ATAD2B: variants seen among roughly 807,000 people sequenced by gnomAD.
ATAD2B encodes the protein ATPase family AAA domain-containing protein 2B.
Under a neutral mutation model 167.6 loss-of-function variants are expected in ATAD2B, and 40 were observed. That is an observed-to-expected ratio of 0.24 (90% CI 0.19 to 0.31). The LOEUF is 0.31. Among genes scored for constraint, ATAD2B ranks in the 10% least tolerant of loss-of-function variants. The probability of loss-of-function intolerance (pLI) is 1.00; values close to 1 mark genes in which losing one functional copy is unlikely to be tolerated. For synonymous variants in ATAD2B, 579 were observed against 596.5 expected (o/e 0.97, Z 0.43); for missense variants, 1,242 against 1,757.2 (o/e 0.71, Z 5.24).
chr2:23,703,922 G>GT, the ATAD2B span: 18 of 1,480,108 alleles, frequency 1.2e-5, no homozygotes, highest in Non-Finnish European at 1.4e-5. Context: ...GAGGAGGGGT[G>GT]TGACCACAAT....
At chr2:23,909,432 A>C (rs977623940) in intron 1 of ATAD2B, among the ~76,000 whole-genome samples, 4 of 147,918 alleles carry the variant, frequency 2.7e-5, no homozygotes, top group African/African-American at 5.0e-5. Flanking sequence ...ATATACATAC[A>C]TACATACATA....
the ATAD2B span, among the ~76,000 whole-genome samples, chr2:23,686,483 C>A: frequency 6.6e-6 from 1 of 152,068 alleles, no homozygotes; most frequent in Non-Finnish European, 1.5e-5. Context: ...AAGTGATGCC[C>A]AGGTCTCCTT....
chr2:23,875,339 A>G (rs1696665863), intron 8 of ATAD2B, among the ~76,000 whole-genome samples: 2 of 151,926 alleles, frequency 1.3e-5, no homozygotes, highest in South Asian at 4.1e-4. Flanking sequence ...ATCTCTACTA[A>G]AAATATGAAA....
intron 7 of ATAD2B, among the ~76,000 whole-genome samples, chr2:23,876,271 C>T (rs1420852900): frequency 6.6e-6 from 1 of 151,052 alleles, no homozygotes; most frequent in African/African-American, 2.4e-5. Context: ...GGATTACAGG[C>T]ATGAGCCACC....
At chr2:23,720,608 C>T in the ATAD2B span, among the ~76,000 whole-genome samples, 2 of 147,138 alleles carry the variant, frequency 1.4e-5, no homozygotes, top group South Asian at 2.2e-4. Flanking sequence ...AAGAGGGCAG[C>T]GTGGAGGCAC....
rs148324831 is a variant in ATAD2B at position 23,906,518 on chromosome 2, C to T, written c.217-10548G>A. On this transcript the variant is annotated intron_variant, in intron 1 of 27. Transcript: ENST00000238789. ...GAGTTCTGTAGATGTCTATTAGGTC[C>T]GCTTGGTGCAGAGCTGAGTTCAATT... Among the ~76,000 whole-genome samples, 750 of 152,092 alleles carry T rather than the reference C, an allele frequency of 4.9e-3. 8 individuals carry two copies. The highest frequency in any genetic ancestry group is 0.018 in the African/African-American group (728 of 41,500).
intron 4 of ATAD2B, 63 bp downstream of exon 4, chr2:23,887,769 A>T (rs1348249275): frequency 3.6e-6 from 5 of 1,399,330 alleles, no homozygotes; most frequent in Non-Finnish European, 3.8e-6. Context: ...TTATTTTTTT[A>T]AAACGTAACT....
chr2:23,892,219 A>G (rs1247506831), intron 2 of ATAD2B, among the ~76,000 whole-genome samples: 2 of 152,170 alleles, frequency 1.3e-5, no homozygotes, highest in African/African-American at 2.4e-5. Flanking sequence ...GCTGGAGTGC[A>G]GTGGCGCGAT....
At chr2:23,703,050 C>G in the ATAD2B span, 1 of 541,258 alleles carries the variant, frequency 1.8e-6, no homozygotes, top group Non-Finnish European at 3.0e-6. Context: ...CAGTGCCCCC[C>G]ACTGCTGGTG....
At chr2:23,871,688 C>T (rs948021123) in intron 8 of ATAD2B, among the ~76,000 whole-genome samples, 1 of 152,162 alleles carries the variant, frequency 6.6e-6, no homozygotes, top group East Asian at 1.9e-4. Context: ...CACAAATAGC[C>T]TTCAAAGATG....
chr2:23,703,584 G>A, the ATAD2B span: 3 of 1,209,772 alleles, frequency 2.5e-6, no homozygotes, highest in Non-Finnish European at 3.4e-6. Context: ...CTAGGCCCCG[G>A]ACCCATCCCC....
At chr2:23,740,126 A>G in the ATAD2B span, among the ~76,000 whole-genome samples, 5 of 152,194 alleles carry the variant, frequency 3.3e-5, no homozygotes, top group Non-Finnish European at 5.9e-5. Context: ...AGAGGTACAA[A>G]GAGGAGCTGG....
chr2:23,710,262 T>C, the ATAD2B span, among the ~76,000 whole-genome samples: 81,778 of 152,102 alleles, frequency 0.54, 22,668 homozygotes, highest in East Asian at 0.79. Context: ...TTAAAGAGAA[T>C]AGGTCTTAAA....
chr2:23,847,511 A>T (rs553892505), intron 13 of ATAD2B, among the ~76,000 whole-genome samples: 39 of 151,864 alleles, frequency 2.6e-4, no homozygotes, highest in Admixed American at 1.6e-3. Flanking sequence ...TCTCAAAAAA[A>T]AAAGTCAGGT....
chr2:23,699,913 A>T, the ATAD2B span, among the ~76,000 whole-genome samples: 1 of 152,006 alleles, frequency 6.6e-6, no homozygotes, highest in Admixed American at 6.6e-5. Context: ...AGACTCCCCC[A>T]CTACTTTGGT....
At chr2:23,787,689 G>A (rs545447261) in intron 20 of ATAD2B, among the ~76,000 whole-genome samples, 2 of 152,154 alleles carry the variant, frequency 1.3e-5, no homozygotes, top group African/African-American at 4.8e-5. Context: ...GATGGGAAAT[G>A]TATTGAGTAT....
chr2:23,916,576 G>A (rs1703066521), intron 1 of ATAD2B, among the ~76,000 whole-genome samples: 1 of 152,136 alleles, frequency 6.6e-6, no homozygotes, highest in Admixed American at 6.6e-5. Context: ...TAATATGCAA[G>A]AAAGTTGTCT....
At position 23,920,123 on chromosome 2, in the gene ATAD2B, C is replaced by T. The variant is rs528105164; in HGVS notation, c.216+6432G>A. Reference sequence around the variant, plus strand: ...GCGACATGGAGCCACTGTACTCCAGCCTGGGCAACAGAGAGAGACTCTGCC... The same window carrying T: ...GCGACATGGAGCCACTGTACTCCAGTCTGGGCAACAGAGAGAGACTCTGCC... On this transcript the variant is annotated intron_variant, in intron 1 of 27. Coordinates refer to ENST00000238789, the MANE Select transcript of ATAD2B (RefSeq NM_017552.4). 8.3e-4 allele frequency among the ~76,000 whole-genome samples: 125 copies of T among 150,628 alleles called. 1 individual carries two copies. The highest frequency in any genetic ancestry group is 3.0e-3 in the African/African-American group (122 of 40,912).
the ATAD2B span, among the ~76,000 whole-genome samples, chr2:23,726,069 A>G: frequency 2.0e-5 from 3 of 152,210 alleles, no homozygotes; most frequent in African/African-American, 7.2e-5. Flanking sequence ...TCTGGGATAT[A>G]CACACAAAAG....
Sources: gnomAD v4.1 joint callset for allele counts (sites outside exome capture counted in the v4.1 genomes callset) on GRCh38, gnomAD v4.1.1 for gene constraint, MANE v1.5 for transcripts, NCBI Gene and HGNC (gene_info 2026-07-23, HGNC 2026-07-21) for gene names.